ACTR3C: variants seen among roughly 807,000 people sequenced by gnomAD.
ACTR3C encodes the protein actin related protein 3C.
Under a neutral mutation model 26.3 loss-of-function variants are expected in ACTR3C, and 18 were observed. That is an observed-to-expected ratio of 0.68 (90% CI 0.47 to 1.01). The LOEUF is 1.01. ACTR3C is among the 50% of genes least tolerant of loss of function. The probability of loss-of-function intolerance (pLI) is 0.00; values close to 1 mark genes in which losing one functional copy is unlikely to be tolerated. For missense variants in ACTR3C, 184 were observed against 250.7 expected (o/e 0.73, Z 1.80); for synonymous variants, 55 against 94.5 (o/e 0.58, Z 2.42).
At chr7:150,016,654 T>C in the ACTR3C span, among the ~76,000 whole-genome samples, 1 of 152,078 alleles carries the variant, frequency 6.6e-6, no homozygotes, top group African/African-American at 2.4e-5. Flanking sequence ...TTGTGTTCCA[T>C]GAAAGGTGAA....
the ACTR3C span, among the ~76,000 whole-genome samples, chr7:150,073,213 G>C: frequency 1.3e-5 from 2 of 152,210 alleles, no homozygotes; most frequent in African/African-American, 2.4e-5. Flanking sequence ...AGGACACAGC[G>C]AGAAGCCATC....
chr7:150,077,964 T>C, the ACTR3C span, among the ~76,000 whole-genome samples: 923 of 152,310 alleles, frequency 6.1e-3, 10 homozygotes, highest in African/African-American at 0.021. Context: ...GCAATTCAGC[T>C]GCAACCCCAA....
intron 1 of ACTR3C, among the ~76,000 whole-genome samples, chr7:150,317,499 T>G (rs545244039): frequency 6.6e-6 from 1 of 152,362 alleles, no homozygotes; most frequent in African/African-American, 2.4e-5. Flanking sequence ...TTCTCACTTA[T>G]GCAATCAAGT....
the ACTR3C span, among the ~76,000 whole-genome samples, chr7:150,090,002 T>C: frequency 6.6e-6 from 1 of 152,216 alleles, no homozygotes. Flanking sequence ...TTTGTATAAA[T>C]AAATTAAAAA....
At chr7:150,264,578 C>T in intron 6 of ACTR3C, 1 of 975,908 alleles carries the variant, frequency 1.0e-6, no homozygotes, top group Non-Finnish European at 1.2e-6. Context: ...TGTATATTAC[C>T]CAGCATATAC....
the ACTR3C span, among the ~76,000 whole-genome samples, chr7:149,973,713 C>T: frequency 3.5e-4 from 53 of 150,616 alleles, no homozygotes; most frequent in Non-Finnish European, 3.6e-4. Context: ...GGTTTGTTTC[C>T]CTGGAGACCT....
chr7:150,119,694 G>A, the ACTR3C span, among the ~76,000 whole-genome samples: 4 of 152,266 alleles, frequency 2.6e-5, no homozygotes, highest in East Asian at 7.7e-4. Flanking sequence ...AAATTAACAA[G>A]GATATTCAGG....
chr7:150,184,134 G>A, the ACTR3C span, among the ~76,000 whole-genome samples: 2 of 150,714 alleles, frequency 1.3e-5, 1 homozygote, highest in African/African-American at 5.0e-5. Flanking sequence ...CTTGCTTTGT[G>A]TCTGTGGACA....
chr7:149,906,453 A>AGC, the ACTR3C span, among the ~76,000 whole-genome samples: 2 of 83,232 alleles, frequency 2.4e-5, no homozygotes, highest in African/African-American at 1.0e-4. Context: ...TTTTTTTTAG[A>AGC]TGGAGCCTCA....
intron 1 of ACTR3C, among the ~76,000 whole-genome samples, chr7:150,321,741 A>AAAAAAT (rs1041091855): frequency 1.3e-5 from 2 of 152,224 alleles, no homozygotes; most frequent in Non-Finnish European, 2.9e-5. Context: ...CTCCATCTCA[A>AAAAAAT]AAAAATAAAA....
the ACTR3C span, among the ~76,000 whole-genome samples, chr7:150,114,285 T>C: frequency 6.8e-3 from 1,035 of 152,318 alleles, 13 homozygotes; most frequent in African/African-American, 0.023. Flanking sequence ...TAATGAGTCC[T>C]TCAAGTTTGG....
At chr7:150,037,029 GC>G in the ACTR3C span, among the ~76,000 whole-genome samples, 2 of 109,322 alleles carry the variant, frequency 1.8e-5, 1 homozygote, top group Non-Finnish European at 4.3e-5. Context: ...ACAGCCAGGG[GC>G]GGAAGAGGGG....
the ACTR3C span, among the ~76,000 whole-genome samples, chr7:149,907,478 T>TTCTCTTCTCTCTTTCTCTCTCTC: frequency 1.0e-5 from 1 of 97,606 alleles, no homozygotes; most frequent in Non-Finnish European, 2.1e-5. Context: ...CTCTCTTCTC[T>TTCTCTTCTCTCTTTCTCTCTCTC]TCTCTCTCTC....
At chr7:150,229,810 T>A in the ACTR3C span, among the ~76,000 whole-genome samples, 2 of 151,780 alleles carry the variant, frequency 1.3e-5, no homozygotes, top group Non-Finnish European at 2.9e-5. Flanking sequence ...AGTGATTACT[T>A]TTTAAATGTT....
At chr7:150,129,450 C>T in the ACTR3C span, among the ~76,000 whole-genome samples, 1 of 152,064 alleles carries the variant, frequency 6.6e-6, no homozygotes, top group South Asian at 2.1e-4. Flanking sequence ...GTAAAACTGG[C>T]TTGATTTGCA....
At chr7:150,040,560 T>G in the ACTR3C span, 2 of 148,290 alleles carry the variant, frequency 1.3e-5, no homozygotes, top group Admixed American at 6.7e-5. Context: ...TCACCTGCCT[T>G]CTGCCCTTAA....
intron 6 of ACTR3C, among the ~76,000 whole-genome samples, chr7:150,257,952 C>T (rs1313358997): frequency 1.3e-5 from 2 of 152,058 alleles, no homozygotes; most frequent in Non-Finnish European, 2.9e-5. Flanking sequence ...AGCTCCATGC[C>T]AGGAGAAGCC....
downstream of ACTR3C, chr7:150,244,887 G>A (rs1432501843): frequency 6.6e-6 from 1 of 152,220 alleles, no homozygotes; most frequent in Non-Finnish European, 1.5e-5. Context: ...AAGACTGCAG[G>A]CTGGATCAGG....
At chr7:149,946,109 C>T in the ACTR3C span, among the ~76,000 whole-genome samples, 4 of 152,272 alleles carry the variant, frequency 2.6e-5, no homozygotes, top group East Asian at 1.9e-4. Context: ...GCTCAGAGTC[C>T]GCGTCTGCAT....
Sources: gnomAD v4.1 joint callset for allele counts (sites outside exome capture counted in the v4.1 genomes callset) on GRCh38, gnomAD v4.1.1 for gene constraint, MANE v1.5 for transcripts, NCBI Gene and HGNC (gene_info 2026-07-23, HGNC 2026-07-21) for gene names.